The following SIPA1L1 variants were observed in gnomAD, a reference collection of about 807,000 sequenced individuals.
SIPA1L1 encodes signal induced proliferation associated 1 like 1.
SIPA1L1 carries 26 observed loss-of-function variants against 162.7 expected under a neutral mutation model. That is an observed-to-expected ratio of 0.16 (90% CI 0.12 to 0.22). The LOEUF (loss-of-function observed/expected upper bound fraction) is 0.22. Ranked by LOEUF, SIPA1L1 falls within the 10% of genes least tolerant of loss-of-function variation. SIPA1L1 has a pLI of 1.00. For missense variants in SIPA1L1, 1,874 were observed against 2,241.0 expected (o/e 0.84, Z 3.31); for synonymous variants, 829 against 837.4 (o/e 0.99, Z 0.17).
At chr14:71,680,661 C>G (rs773081626) in intron 12 of SIPA1L1, among the ~76,000 whole-genome samples, 4 of 151,884 alleles carry the variant, frequency 2.6e-5, no homozygotes, top group Non-Finnish European at 5.9e-5. Flanking sequence ...TTGAAAAGAT[C>G]AACAAAATGG....
chr14:71,419,785 C>G (rs924141603), intron 2 of SIPA1L1, among the ~76,000 whole-genome samples: 14 of 151,904 alleles, frequency 9.2e-5, no homozygotes, highest in Non-Finnish European at 2.1e-4. Flanking sequence ...ATGTGAGCCA[C>G]CGCGCCCGGC....
chr14:71,404,458 C>T (rs543021938), intron 2 of SIPA1L1, among the ~76,000 whole-genome samples: 2 of 152,216 alleles, frequency 1.3e-5, no homozygotes, highest in South Asian at 2.1e-4. Context: ...GTAGGAGAAT[C>T]GCTTGAACCC....
In SIPA1L1 at chr14:71,618,850, C is replaced by G. The variant is rs550985365; in HGVS notation, c.1592C>G (p.Ser531Cys). 91 of 1,613,736 alleles carry G rather than the reference C, an allele frequency of 5.6e-5. No individual in the cohort carries two copies. Among genetic ancestry groups the G allele is most frequent in the Non-Finnish European group, 7.5e-5 (89 of 1,179,854 alleles). ...EKPDEMKENG[S>C]PYNYRIIFRT... Reference sequence around the variant, plus strand: ...CCAGATGAAATGAAAGAAAATGGATCTCCGTACAACTACCGAATAATTTTT... The same window carrying G: ...CCAGATGAAATGAAAGAAAATGGATGTCCGTACAACTACCGAATAATTTTT... The change falls in exon 6 of 24, where the codon TCT becomes TGT. Residue 531 changes from serine (S) to cysteine (C), a missense_variant. Coordinates refer to ENST00000381232, the MANE Select transcript of SIPA1L1 (RefSeq NM_001386936.1).
intron 2 of SIPA1L1, among the ~76,000 whole-genome samples, chr14:71,387,689 AGTT>A (rs1334533070): frequency 6.6e-6 from 1 of 152,218 alleles, no homozygotes; most frequent in African/African-American, 2.4e-5. Context: ...CCTCTGCAGA[AGTT>A]GTTTTCTAGC....
At chr14:71,393,028 CATGAGATATAATAA>C (rs1485286867) in intron 2 of SIPA1L1, among the ~76,000 whole-genome samples, 1 of 152,212 alleles carries the variant, frequency 6.6e-6, no homozygotes, top group Non-Finnish European at 1.5e-5. Flanking sequence ...AATTTAACAT[CATGAGATATAATAA>C]ATACATAGTT....
intron 2 of SIPA1L1, among the ~76,000 whole-genome samples, chr14:71,370,526 G>A (rs1486482113): frequency 6.6e-6 from 1 of 152,118 alleles, no homozygotes. Flanking sequence ...AACTCCTTTA[G>A]TGTGACTGCT....
In SIPA1L1 at chr14:71,512,780, C is replaced by T. The variant is rs184809241; in HGVS notation, c.-427C>T. 3.0e-3 allele frequency: 462 copies of T among 153,060 alleles called. No homozygotes were observed. The highest frequency in any genetic ancestry group is 5.5e-3 in the Non-Finnish European group (379 of 68,716). The allele number at this position is 153,060 out of a possible 1,614,324, so 9.5% of individuals were successfully genotyped here. ...CTGAAGACATTAGCTGAGAGTCTGG[C>T]ACCTTTTAAAGGTCTGATCATCAAT... On this transcript the variant is annotated 5_prime_UTR_variant, in exon 3 of 24. Transcript: ENST00000381232.
intron 2 of SIPA1L1, among the ~76,000 whole-genome samples, chr14:71,427,635 C>A (rs1440687070): frequency 1.3e-5 from 2 of 152,142 alleles, no homozygotes; most frequent in Non-Finnish European, 2.9e-5. Flanking sequence ...CAGACTTGAT[C>A]ATTTTCATTG....
intron 2 of SIPA1L1, among the ~76,000 whole-genome samples, chr14:71,369,774 T>A (rs1245398749): frequency 1.4e-5 from 2 of 147,772 alleles, no homozygotes; most frequent in East Asian, 2.0e-4. Flanking sequence ...TTTCACGATA[T>A]TGATTCTTCC....
At chr14:71,710,807 C>CAAAA (rs570414143) in intron 17 of SIPA1L1, among the ~76,000 whole-genome samples, 13 of 56,860 alleles carry the variant, frequency 2.3e-4, no homozygotes, top group Middle Eastern at 9.3e-3. Flanking sequence ...GATTCTGTCT[C>CAAAA]AAAAAAAAAA....
At position 71,658,466 on chromosome 14, in the gene SIPA1L1, C is replaced by T. The variant is rs774030500; in HGVS notation, c.2097+30C>T. 9 of 1,369,464 alleles carry T rather than the reference C, an allele frequency of 6.6e-6. No homozygotes were observed. The Middle Eastern group carries it at 8.9e-4, about 135-fold the overall frequency. The allele number at this position is 1,369,464 out of a possible 1,614,324, so 84.8% of individuals were successfully genotyped here. ...GAGATCCTCCTGTTATCTGTGTTTT[C>T]ACCCTTGTTTCATTTCCTCTAGAAG... On this transcript the variant is annotated intron_variant, in intron 9 of 23. Transcript: ENST00000381232.
intron 2 of SIPA1L1, among the ~76,000 whole-genome samples, chr14:71,404,302 C>T (rs2041891046): frequency 6.6e-6 from 1 of 152,130 alleles, no homozygotes; most frequent in Admixed American, 6.5e-5. Context: ...TACCTGTAAT[C>T]CCAGCACTTT....
intron 2 of SIPA1L1, among the ~76,000 whole-genome samples, chr14:71,329,120 G>T (rs758013185): frequency 1.3e-5 from 2 of 152,108 alleles, no homozygotes; most frequent in Non-Finnish European, 2.9e-5. Flanking sequence ...CTTTTTAAAG[G>T]TTTAATAGTA....
chr14:71,606,875 A>G (rs2037582340), intron 5 of SIPA1L1, among the ~76,000 whole-genome samples: 2 of 152,252 alleles, frequency 1.3e-5, no homozygotes, highest in Middle Eastern at 3.4e-3. Flanking sequence ...TCTGAGTCTA[A>G]AAGGAGTCCA....
chr14:71,371,675 C>T (rs2038905186), intron 2 of SIPA1L1, among the ~76,000 whole-genome samples: 1 of 152,178 alleles, frequency 6.6e-6, no homozygotes, highest in African/African-American at 2.4e-5. Flanking sequence ...GCTGGGATTA[C>T]AGACCTGCAA....
intron 5 of SIPA1L1, among the ~76,000 whole-genome samples, chr14:71,592,834 G>A (rs3784064): frequency 0.84 from 127,262 of 152,210 alleles, 53,809 homozygotes; most frequent in African/African-American, 0.95. Flanking sequence ...TACTGGATCA[G>A]TAGAGGAATC....
At chr14:71,563,983 A>G (rs2056992488) in intron 4 of SIPA1L1, among the ~76,000 whole-genome samples, 1 of 151,936 alleles carries the variant, frequency 6.6e-6, no homozygotes, top group Non-Finnish European at 1.5e-5. Flanking sequence ...CTGGAGTCTC[A>G]CTCTGTTAGG....
Position 71,739,182 on chromosome 14 carries a change from A to AG in SIPA1L1, c.*22dup. 1 of 1,603,970 alleles carries AG rather than the reference A, an allele frequency of 6.2e-7. No homozygotes were observed. The highest frequency in any genetic ancestry group is 1.1e-5 in the South Asian group (1 of 89,562). On this transcript the variant is annotated 3_prime_UTR_variant, in exon 24 of 24. Coordinates refer to ENST00000381232, the MANE Select transcript of SIPA1L1 (RefSeq NM_001386936.1). ...GCTAGGGAAGGCTGAGGAGGACAGG[A>AG]GAAGGGCCCAGACACTCCCTCCAGT...
chr14:71,592,353 T>C (rs1327507210), intron 5 of SIPA1L1, among the ~76,000 whole-genome samples: 1 of 152,230 alleles, frequency 6.6e-6, no homozygotes, highest in Non-Finnish European at 1.5e-5. Context: ...AAAATTGTTG[T>C]TTATACTTTT....
Sources: allele counts gnomAD v4.1 joint callset (sites outside exome capture counted in the v4.1 genomes callset), GRCh38; gene constraint gnomAD v4.1.1; transcripts MANE v1.5; gene names NCBI Gene and HGNC (gene_info 2026-07-23, HGNC 2026-07-21).